Variants in ALK observed in about 807,000 individuals in gnomAD.
ALK encodes the protein ALK tyrosine kinase receptor.
ALK carries 74 observed loss-of-function variants against 163.1 expected under a neutral mutation model. That is an observed-to-expected ratio of 0.45 (90% CI 0.38 to 0.55). ALK has a LOEUF of 0.55. Ranked by LOEUF, ALK falls within the 20% of genes least tolerant of loss-of-function variation. ALK has a pLI of 0.00. For synonymous variants in ALK, 960 were observed against 843.2 expected (o/e 1.14, Z -2.40); for missense variants, 2,063 against 2,105.3 (o/e 0.98, Z 0.39).
intron 1 of ALK, among the ~76,000 whole-genome samples, chr2:29,878,366 C>T (rs925492670): frequency 4.6e-5 from 7 of 152,216 alleles, no homozygotes; most frequent in Non-Finnish European, 1.0e-4. Context: ...ATTAAGTACA[C>T]TGTTCACTGC....
At chr2:29,796,996 A>ACACC (rs1023773191) in intron 1 of ALK, among the ~76,000 whole-genome samples, 1 of 136,486 alleles carries the variant, frequency 7.3e-6, no homozygotes, top group Non-Finnish European at 1.6e-5. Flanking sequence ...ATATGCACGC[A>ACACC]CACCCACACA....
chr2:29,525,355 C>T (rs150354704), intron 4 of ALK, among the ~76,000 whole-genome samples: 120 of 152,286 alleles, frequency 7.9e-4, no homozygotes, highest in African/African-American at 2.7e-3. Context: ...TAAAGCTACC[C>T]GCTTATGTGA....
intron 2 of ALK, among the ~76,000 whole-genome samples, chr2:29,705,126 G>A (rs1239185207): frequency 6.6e-6 from 1 of 150,418 alleles, no homozygotes; most frequent in Non-Finnish European, 1.5e-5. Flanking sequence ...GCTGAGGCAG[G>A]AGAATCGCTT....
intron 1 of ALK, among the ~76,000 whole-genome samples, chr2:29,919,753 G>A (rs1243062913): frequency 1.4e-4 from 22 of 152,168 alleles, no homozygotes; most frequent in Admixed American, 1.4e-3. Context: ...GCTCTGCCAA[G>A]AGTATGAAAC....
In ALK at chr2:29,275,175, C is replaced by G. The variant is rs142967087; in HGVS notation, c.1965G>C (p.Leu655=). Reference sequence around the variant, plus strand: ...GCTCCTTGTTTGGGTTTCTCTCAAACAGGTTTCTTGATTTGGGTGCTGTAT... The same window carrying G: ...GCTCCTTGTTTGGGTTTCTCTCAAAGAGGTTTCTTGATTTGGGTGCTGTAT... The part of the protein sequence containing the change: ...LQNTAPKSRN[L]FERNPNKELK... Residue 655 remains leucine (L), a synonymous_variant, in exon 11 of 29, where the codon CTG becomes CTC. Transcript: ENST00000389048. The G allele has an allele frequency of 6.2e-7, 1 of 1,614,164 alleles. No individual in the cohort carries two copies. Among genetic ancestry groups the G allele is most frequent in the Non-Finnish European group, 8.5e-7 (1 of 1,180,032 alleles).
intron 26 of ALK, among the ~76,000 whole-genome samples, chr2:29,197,986 A>C (rs1289411684): frequency 6.6e-6 from 1 of 152,182 alleles, no homozygotes; most frequent in Non-Finnish European, 1.5e-5. Flanking sequence ...TTATATCATA[A>C]ACATTTTCCA....
intron 6 of ALK, among the ~76,000 whole-genome samples, chr2:29,323,161 T>C (rs992922388): frequency 6.6e-6 from 1 of 152,220 alleles, no homozygotes; most frequent in African/African-American, 2.4e-5. Context: ...GTGTCTATTT[T>C]ACTGAGCTGG....
At chr2:29,415,576 C>T (rs1314331269) in intron 4 of ALK, among the ~76,000 whole-genome samples, 1 of 152,144 alleles carries the variant, frequency 6.6e-6, no homozygotes, top group African/African-American at 2.4e-5. Context: ...ACAGGCTCCC[C>T]AATCAGAACT....
At chr2:29,760,009 G>T (rs1038710178) in intron 1 of ALK, among the ~76,000 whole-genome samples, 3 of 152,128 alleles carry the variant, frequency 2.0e-5, no homozygotes, top group Non-Finnish European at 2.9e-5. Context: ...TTAAACCTCT[G>T]CCTATCATTC....
intron 3 of ALK, among the ~76,000 whole-genome samples, chr2:29,540,434 G>C (rs1176067785): frequency 6.6e-6 from 1 of 152,060 alleles, no homozygotes; most frequent in Non-Finnish European, 1.5e-5. Flanking sequence ...TAACTTATAA[G>C]AGCCTCTATG....
chr2:29,715,102 A>C lies in ALK; in HGVS notation c.787+2476T>G, dbSNP rs143407949. ...GTTTGCATCACTTCCCACATCAGGC[A>C]CAGGGCCAAGCACCCAGAGATGGTG... On this transcript the variant is annotated intron_variant, in intron 2 of 28. Coordinates refer to ENST00000389048, the MANE Select transcript of ALK (RefSeq NM_004304.5). Among the ~76,000 whole-genome samples the C allele has an allele frequency of 8.1e-3, 1,239 of 152,338 alleles. 15 individuals are homozygous for C. Among genetic ancestry groups the C allele is most frequent in the South Asian group, 0.045 (216 of 4,824 alleles).
intron 3 of ALK, among the ~76,000 whole-genome samples, chr2:29,532,390 C>T (rs558477943): frequency 6.6e-6 from 1 of 152,298 alleles, no homozygotes; most frequent in South Asian, 2.1e-4. Flanking sequence ...ACTTCTGTGT[C>T]CTAGAGCCTT....
At chr2:29,321,570 T>C (rs1411884229) in intron 6 of ALK, among the ~76,000 whole-genome samples, 1 of 152,220 alleles carries the variant, frequency 6.6e-6, no homozygotes, top group East Asian at 1.9e-4. Context: ...AGCCCTTGTG[T>C]AAATCTTTGG....
At chr2:29,768,352 C>A (rs1372806493) in intron 1 of ALK, among the ~76,000 whole-genome samples, 2 of 152,168 alleles carry the variant, frequency 1.3e-5, no homozygotes, top group African/African-American at 2.4e-5. Flanking sequence ...GAGAAATAAA[C>A]CTCCCCAGGG....
At chr2:29,879,270 A>G (rs12465499) in intron 1 of ALK, among the ~76,000 whole-genome samples, 116,947 of 152,092 alleles carry the variant, frequency 0.77, 45,082 homozygotes, top group East Asian at 0.79. Context: ...CAAACTTTAG[A>G]CAAAACAGCT....
chr2:29,889,242 AATATATATACACATAT>A (rs904971539), intron 1 of ALK, among the ~76,000 whole-genome samples: 11 of 98,138 alleles, frequency 1.1e-4, no homozygotes, highest in Admixed American at 7.5e-4. Context: ...AGAAAGGAAA[AATATATATACACATAT>A]ATATATATAC....
At chr2:29,194,380 G>T (rs965690831) in intron 28 of ALK, among the ~76,000 whole-genome samples, 1 of 152,172 alleles carries the variant, frequency 6.6e-6, no homozygotes, top group Non-Finnish European at 1.5e-5. Flanking sequence ...TGCCATGTTG[G>T]CCTACAGGGT....
chr2:29,798,975 C>A (rs182594511), intron 1 of ALK, among the ~76,000 whole-genome samples: 1 of 152,286 alleles, frequency 6.6e-6, no homozygotes, highest in East Asian at 1.9e-4. Context: ...TGCCATTGAG[C>A]TTTTCTGAGT....
intron 8 of ALK, among the ~76,000 whole-genome samples, chr2:29,302,939 T>A (rs1447714385): frequency 6.6e-6 from 1 of 152,322 alleles, no homozygotes; most frequent in East Asian, 1.9e-4. Flanking sequence ...AACCTAGGAA[T>A]AACTCTTTTG....
Sources: gnomAD v4.1 joint callset for allele counts (sites outside exome capture counted in the v4.1 genomes callset) on GRCh38, gnomAD v4.1.1 for gene constraint, MANE v1.5 for transcripts, NCBI Gene and HGNC (gene_info 2026-07-23, HGNC 2026-07-21) for gene names.